The following GARNL3 variants were observed in gnomAD, a reference collection of about 807,000 sequenced individuals.
GARNL3 encodes the protein GTPase activating Rap/RanGAP domain like 3, also known as GTPase-activating Rap/Ran-GAP domain-like protein 3.
GARNL3 carries 63 observed loss-of-function variants against 125.0 expected under a neutral mutation model. That is an observed-to-expected ratio of 0.50 (90% CI 0.41 to 0.62). GARNL3 has a LOEUF of 0.62. GARNL3 is among the 20% of genes least tolerant of loss of function. The probability of loss-of-function intolerance (pLI) is 0.00; values close to 1 mark genes in which losing one functional copy is unlikely to be tolerated. For synonymous variants in GARNL3, 439 were observed against 457.5 expected (o/e 0.96, Z 0.52); for missense variants, 994 against 1,244.0 (o/e 0.80, Z 3.02).
chr9:127,315,373 A>G (rs1384345037), intron 4 of GARNL3, among the ~76,000 whole-genome samples: 2 of 152,210 alleles, frequency 1.3e-5, no homozygotes, highest in Non-Finnish European at 2.9e-5. Context: ...ACAGTGGCTC[A>G]TGCCTGTAAT....
chr9:127,365,330 G>A lies in GARNL3; in HGVS notation c.2125G>A (p.Glu709Lys), dbSNP rs1289293908. The A allele has an allele frequency of 3.1e-6, 5 of 1,613,872 alleles. No homozygotes were observed. The highest frequency in any genetic ancestry group is 2.2e-5 in the East Asian group (1 of 44,898). ...VNFVAAIDVY[E>K]DGEAGLLLCY... Reference sequence around the variant, plus strand: ...TTTTGTTGCAGCTATTGATGTGTACGAAGATGGAGAAGCTGGTTTGCTGTT... The same window carrying A: ...TTTTGTTGCAGCTATTGATGTGTACAAAGATGGAGAAGCTGGTTTGCTGTT... Residue 709 changes from glutamate to lysine, a missense_variant, in exon 22 of 28, where the codon GAA becomes AAA. Glu to Lys is a moderately conservative substitution (Grantham distance 56). Around this residue, in one of 5 missense-constraint regions of GARNL3, gnomAD observed 728 missense variants for 865.7 expected, o/e 0.84. Transcript: ENST00000373387.
chr9:127,303,279 T>G (rs1242854970), intron 2 of GARNL3, among the ~76,000 whole-genome samples: 7 of 152,226 alleles, frequency 4.6e-5, no homozygotes, highest in Non-Finnish European at 8.8e-5. Context: ...TATAGGCTTA[T>G]GTATGTATAT....
intron 2 of GARNL3, among the ~76,000 whole-genome samples, chr9:127,309,966 G>A (rs2065051116): frequency 6.6e-6 from 1 of 152,134 alleles, no homozygotes; most frequent in Non-Finnish European, 1.5e-5. Flanking sequence ...TCAGTCATGC[G>A]GGAAAACTGA....
At chr9:127,367,311 A>G (rs979828506) in intron 22 of GARNL3, 2 of 152,220 alleles carry the variant, frequency 1.3e-5, no homozygotes. Context: ...GTGCTGCAGA[A>G]TGATAATGCT....
At chr9:127,225,730 C>T (rs999558429) in intron 1 of GARNL3, among the ~76,000 whole-genome samples, 2 of 150,464 alleles carry the variant, frequency 1.3e-5, no homozygotes, top group Non-Finnish European at 3.0e-5. Flanking sequence ...CGGGAGCTCA[C>T]CCCTCCGTCC....
Position 127,357,285 on chromosome 9 carries a change from A to G in GARNL3, c.2002A>G (p.Asn668Asp). The G allele has an allele frequency of 6.2e-7, 1 of 1,614,194 alleles. No individual in the cohort carries two copies. The highest frequency in any genetic ancestry group is 8.5e-7 in the Non-Finnish European group (1 of 1,180,020). The change falls in exon 21 of 28, where the codon AAT (asparagine) becomes GAT (aspartate). Residue 668 changes from asparagine to aspartate, a missense_variant. By Grantham distance (23) the Asn-to-Asp change is conservative. Transcript: ENST00000373387. ...GGATGGGCCAGCTGAAGAGAGTGAC[A>G]ATCTCATCTGTGTGGCTTATCGACA... is the stretch of plus-strand genomic sequence containing the variant. Reference protein sequence around the residue: ...LVDGPAEESDNLICVAYRHQF... With the variant: ...LVDGPAEESDDLICVAYRHQF...
At chr9:127,378,288 A>G (rs1832041733) in intron 22 of GARNL3, among the ~76,000 whole-genome samples, 1 of 151,610 alleles carries the variant, frequency 6.6e-6, no homozygotes, top group African/African-American at 2.4e-5. Context: ...GAGATCTTAC[A>G]TATCAAAAAG....
At position 127,358,119 on chromosome 9, in the gene GARNL3, C is replaced by T. The variant is rs376067613; in HGVS notation, c.2094+742C>T. Among the ~76,000 whole-genome samples, 20 of 152,228 alleles carry T rather than the reference C, an allele frequency of 1.3e-4. No homozygotes were observed. The East Asian group carries it at 3.5e-3, about 26-fold the overall frequency. On this transcript the variant is annotated intron_variant, in intron 21 of 27. Coordinates refer to ENST00000373387, the MANE Select transcript of GARNL3 (RefSeq NM_032293.5). ...ATCTAGGGCCACCCAAAACTGCTCT[C>T]ATGTTCTAAAGGTGACTGTGTGGGG...
At chr9:127,355,979 C>A (rs958303908) in intron 20 of GARNL3, among the ~76,000 whole-genome samples, 3 of 152,084 alleles carry the variant, frequency 2.0e-5, no homozygotes, top group African/African-American at 7.2e-5. Context: ...GCAGAGGGAG[C>A]AGCCAGGCAA....
rs2063222769 is a variant in GARNL3, at chr9:127,242,572, A to G, written c.-28-507A>G. On this transcript the variant is annotated intron_variant, in intron 1 of 10. Transcript: ENST00000439286. This position sits in a 1 kb window ranked among gnomAD's most constrained non-coding sequence, Gnocchi z 4.6. ...TTACTGCTTATATATACTATCTGCTATTACTCTTGAACTGTGGGCTTTAGT... is the reference window on the plus strand; with the variant it reads ...TTACTGCTTATATATACTATCTGCTGTTACTCTTGAACTGTGGGCTTTAGT... 2.0e-5 allele frequency among the ~76,000 whole-genome samples: 3 copies of G among 152,178 alleles called. No individual in the cohort carries two copies. The South Asian group carries it at 6.2e-4, about 31-fold the overall frequency.
intron 1 of GARNL3, among the ~76,000 whole-genome samples, chr9:127,227,332 G>A (rs1182467563): frequency 1.3e-5 from 2 of 152,130 alleles, no homozygotes; most frequent in East Asian, 1.9e-4. Flanking sequence ...CAGGCGCAGT[G>A]GCTCATGCCT....
rs976980719 is a variant in GARNL3 at position 127,255,564 on chromosome 9, G to T, written c.144-9388G>T. The stretch of plus-strand genomic sequence containing the variant: ...ATGGGGTCAGGGAGAGGTACACAAG[G>T]GTTTTAAGTATATCTGTAATGTTCA... On this transcript the variant is annotated intron_variant, in intron 2 of 10. Transcript: ENST00000439286. 5.9e-5 allele frequency among the ~76,000 whole-genome samples: 9 copies of T among 152,100 alleles called. No homozygotes were observed. The East Asian group carries it at 1.5e-3, about 26-fold the overall frequency.
intron 1 of GARNL3, among the ~76,000 whole-genome samples, chr9:127,274,796 C>T (rs1228098176): frequency 1.3e-5 from 2 of 152,184 alleles, no homozygotes; most frequent in Non-Finnish European, 2.9e-5. Flanking sequence ...ACTGAACACG[C>T]CACTTACCTG....
intron 14 of GARNL3, among the ~76,000 whole-genome samples, chr9:127,342,810 AG>A (rs1357804701): frequency 4.6e-5 from 7 of 151,996 alleles, no homozygotes; most frequent in African/African-American, 1.7e-4. Context: ...CTGAAGACCC[AG>A]ACACTTCGTA....
chr9:127,335,189 G>A (rs778232400), intron 9 of GARNL3, 41 bp from the exon 10 acceptor site: 20 of 1,392,416 alleles, frequency 1.4e-5, no homozygotes, highest in Non-Finnish European at 1.7e-5. Flanking sequence ...CTTTTGGCTC[G>A]AATTCTCTGT....
intron 6 of GARNL3, 82 bp from the exon 7 acceptor site, chr9:127,324,987 C>A: frequency 7.1e-7 from 1 of 1,398,964 alleles, no homozygotes; most frequent in Non-Finnish European, 1.0e-6. Context: ...TGTGAGCAAA[C>A]CAAAGCTTGG....
In GARNL3 at chr9:127,368,647, T is replaced by C. The variant is rs544808936; in HGVS notation, c.2161+3281T>C. Among the ~76,000 whole-genome samples, 10 of 148,118 alleles carry C rather than the reference T, an allele frequency of 6.8e-5. No homozygotes were observed. The South Asian group carries it at 2.3e-3, about 34-fold the overall frequency. On this transcript the variant is annotated intron_variant, in intron 22 of 27. Coordinates refer to ENST00000373387, the MANE Select transcript of GARNL3 (RefSeq NM_032293.5). ...TGCCCACCCCGAAATGCATTTCAAA[T>C]ATAAGGGCCAAGTGCAGTGGCTCAC...
upstream of GARNL3, among the ~76,000 whole-genome samples, chr9:127,262,537 C>T (rs1435874419): frequency 3.3e-5 from 5 of 152,324 alleles, no homozygotes; most frequent in Non-Finnish European, 7.4e-5. Flanking sequence ...ACACATCCTG[C>T]AAGAGGGGCT....
At chr9:127,291,046 G>A in intron 1 of GARNL3, 122 bp from the exon 2 acceptor site, 3 of 932,314 alleles carry the variant, frequency 3.2e-6, no homozygotes, top group Non-Finnish European at 4.9e-6. Context: ...TAAAAAAACT[G>A]TTAGCTTCTA....
Sources: gnomAD v4.1 joint callset for allele counts (sites outside exome capture counted in the v4.1 genomes callset) on GRCh38, gnomAD v4.1.1 for gene constraint, gnomAD v4.1.1 regional missense constraint, Gnocchi (gnomAD v3.1) non-coding constraint, MANE v1.5 for transcripts, NCBI Gene and HGNC (gene_info 2026-07-23, HGNC 2026-07-21) for gene names.